Variants in HS6ST3 observed in about 807,000 individuals in gnomAD.
HS6ST3 encodes heparan sulfate 6-O-sulfotransferase 3.
A neutral mutation model predicts 36.7 loss-of-function variants in HS6ST3; 12 were observed. The observed-to-expected ratio is 0.33, with a 90% confidence interval of 0.21 to 0.53. The LOEUF (loss-of-function observed/expected upper bound fraction) is 0.53. Ranked by LOEUF, HS6ST3 falls within the 20% of genes least tolerant of loss-of-function variation. HS6ST3 has a pLI of 0.95. For synonymous variants in HS6ST3, 240 were observed against 257.5 expected (o/e 0.93, Z 0.65); for missense variants, 584 against 640.9 (o/e 0.91, Z 0.96).
At chr13:96,697,966 T>C (rs1875177186) in intron 1 of HS6ST3, among the ~76,000 whole-genome samples, 2 of 152,210 alleles carry the variant, frequency 1.3e-5, no homozygotes, top group Non-Finnish European at 2.9e-5. Flanking sequence ...CATTTGTCTT[T>C]GAAGTGTTTT....
intron 1 of HS6ST3, among the ~76,000 whole-genome samples, chr13:96,144,829 G>A (rs1464414694): frequency 2.5e-5 from 3 of 119,902 alleles, no homozygotes. Context: ...CCCAGTGTGT[G>A]ATGTTCCCCT....
chr13:96,258,051 A>G (rs1323779660), intron 1 of HS6ST3, among the ~76,000 whole-genome samples: 1 of 152,250 alleles, frequency 6.6e-6, no homozygotes, highest in Non-Finnish European at 1.5e-5. Flanking sequence ...AAAATATTAA[A>G]TTCCACTGGA....
intron 1 of HS6ST3, among the ~76,000 whole-genome samples, chr13:96,814,792 G>A (rs1466914045): frequency 1.3e-5 from 2 of 151,988 alleles, no homozygotes; most frequent in Non-Finnish European, 2.9e-5. Context: ...TGTCATATAT[G>A]AGTATAAATT....
intron 1 of HS6ST3, among the ~76,000 whole-genome samples, chr13:96,132,046 A>T (rs1202775955): frequency 6.6e-6 from 1 of 151,222 alleles, no homozygotes; most frequent in Non-Finnish European, 1.5e-5. Context: ...ATATAACATA[A>T]TGTCCTCTAG....
chr13:96,394,799 C>T (rs912691), intron 1 of HS6ST3, among the ~76,000 whole-genome samples: 125,840 of 152,208 alleles, frequency 0.83, 52,368 homozygotes, highest in Non-Finnish European at 0.87. Flanking sequence ...ATCTCATTTT[C>T]GTACAGAGTG....
Position 96,480,366 on chromosome 13 carries a change from G to A in HS6ST3, c.708-352124G>A, listed in dbSNP as rs552670748. 9.9e-5 allele frequency among the ~76,000 whole-genome samples: 15 copies of A among 152,178 alleles called. No individual in the cohort carries two copies. In the South Asian group the frequency reaches 2.5e-3, roughly 25 times the overall value. On this transcript the variant is annotated intron_variant, in intron 1 of 1. Transcript: ENST00000376705. Reference sequence around the variant, plus strand: ...TGACCTCAGGTGATCTGCCCGCCTCGACCTTCCAAAGAGCTGGGATTACAG... The same window carrying A: ...TGACCTCAGGTGATCTGCCCGCCTCAACCTTCCAAAGAGCTGGGATTACAG...
At chr13:96,419,715 A>T (rs922305725) in intron 1 of HS6ST3, among the ~76,000 whole-genome samples, 1 of 152,218 alleles carries the variant, frequency 6.6e-6, no homozygotes, top group East Asian at 1.9e-4. Flanking sequence ...TTACTCTTCT[A>T]GCTTCTGGTG....
intron 1 of HS6ST3, chr13:96,169,607 A>C (rs2054177809): frequency 6.6e-6 from 1 of 152,390 alleles, no homozygotes; most frequent in Admixed American, 6.5e-5. Context: ...CTGAGGTGGC[A>C]GGATCGCATG....
intron 1 of HS6ST3, among the ~76,000 whole-genome samples, chr13:96,689,606 C>CTTTCTTTT (rs547289756): frequency 9.9e-6 from 1 of 101,228 alleles, no homozygotes; most frequent in African/African-American, 3.9e-5. Context: ...TTCTTTCTTT[C>CTTTCTTTT]TTTTTTTTTT....
At chr13:96,355,358 T>TACACACACACACAC (rs66509801) in intron 1 of HS6ST3, among the ~76,000 whole-genome samples, 3 of 140,482 alleles carry the variant, frequency 2.1e-5, no homozygotes, top group Non-Finnish European at 3.1e-5. Flanking sequence ...AGTCTATAGT[T>TACACACACACACAC]ACACACACAC....
At chr13:96,580,700 T>G (rs2056338866) in intron 1 of HS6ST3, among the ~76,000 whole-genome samples, 1 of 152,190 alleles carries the variant, frequency 6.6e-6, no homozygotes, top group Admixed American at 6.5e-5. Context: ...ATAAATTACT[T>G]AAAATATTGT....
At chr13:96,327,323 T>A (rs1188314160) in intron 1 of HS6ST3, among the ~76,000 whole-genome samples, 1 of 152,078 alleles carries the variant, frequency 6.6e-6, no homozygotes, top group Non-Finnish European at 1.5e-5. Flanking sequence ...GACTAACGTT[T>A]AAGTCTTTAA....
At chr13:96,582,698 C>A (rs1013627215) in intron 1 of HS6ST3, among the ~76,000 whole-genome samples, 9 of 152,136 alleles carry the variant, frequency 5.9e-5, no homozygotes, top group African/African-American at 1.9e-4. Context: ...CATATTTCCT[C>A]TCCTACATAT....
At chr13:96,436,071 C>G (rs1285846767) in intron 1 of HS6ST3, among the ~76,000 whole-genome samples, 1 of 152,178 alleles carries the variant, frequency 6.6e-6, no homozygotes, top group Non-Finnish European at 1.5e-5. Flanking sequence ...TTGGGTGTCT[C>G]TTTTTCTGCA....
chr13:96,462,102 C>T (rs149245462), intron 1 of HS6ST3, among the ~76,000 whole-genome samples: 89 of 152,296 alleles, frequency 5.8e-4, no homozygotes, highest in African/African-American at 2.0e-3. Flanking sequence ...CAGGGTCTGA[C>T]TCTGTTGCCC....
intron 1 of HS6ST3, among the ~76,000 whole-genome samples, chr13:96,349,955 A>G (rs2055174070): frequency 6.6e-6 from 1 of 152,206 alleles, no homozygotes; most frequent in South Asian, 2.1e-4. Flanking sequence ...TGAAGTAAAG[A>G]TGAAACTCTG....
chr13:96,571,411 C>T (rs2056300529), intron 1 of HS6ST3, among the ~76,000 whole-genome samples: 1 of 152,048 alleles, frequency 6.6e-6, no homozygotes. Context: ...TAAATAAGGT[C>T]AATGATAAAC....
intron 1 of HS6ST3, among the ~76,000 whole-genome samples, chr13:96,717,589 G>T (rs920668037): frequency 3.3e-5 from 5 of 152,200 alleles, no homozygotes; most frequent in Non-Finnish European, 7.3e-5. Context: ...TGAAAATACA[G>T]CATAGCTATT....
At chr13:96,803,840 G>C (rs577468942) in intron 1 of HS6ST3, among the ~76,000 whole-genome samples, 1 of 152,042 alleles carries the variant, frequency 6.6e-6, no homozygotes, top group Non-Finnish European at 1.5e-5. Context: ...TTAGTAATGT[G>C]GAATATACAT....
Sources: allele counts gnomAD v4.1 joint callset (sites outside exome capture counted in the v4.1 genomes callset), GRCh38; gene constraint gnomAD v4.1.1; transcripts MANE v1.5; gene names NCBI Gene and HGNC (gene_info 2026-07-23, HGNC 2026-07-21).